TENM2: variants seen among roughly 807,000 people sequenced by gnomAD.
The protein encoded by TENM2 is teneurin transmembrane protein 2.
TENM2 carries 52 observed loss-of-function variants against 245.2 expected under a neutral mutation model. That is an observed-to-expected ratio of 0.21 (90% confidence interval 0.17 to 0.27). The LOEUF (loss-of-function observed/expected upper bound fraction) is 0.27. Ranked by LOEUF, TENM2 falls within the 10% of genes least tolerant of loss-of-function variation. TENM2 has a pLI of 1.00. For missense variants in TENM2, 3,046 were observed against 3,666.8 expected (o/e 0.83, Z 4.37); for synonymous variants, 1,363 against 1,438.9 (o/e 0.95, Z 1.19).
chr5:167,673,444 C>G (rs1480783415), intron 2 of TENM2, among the ~76,000 whole-genome samples: 1 of 152,072 alleles, frequency 6.6e-6, no homozygotes, highest in Non-Finnish European at 1.5e-5. Context: ...TGGGGAAGTT[C>G]TCTGAAACAT....
the TENM2 span, among the ~76,000 whole-genome samples, chr5:167,118,931 A>G: frequency 6.6e-6 from 1 of 152,232 alleles, no homozygotes; most frequent in East Asian, 1.9e-4. Flanking sequence ...AAAGCTGACA[A>G]AGACTTGGCT....
At chr5:167,558,241 G>A (rs771148312) in intron 2 of TENM2, among the ~76,000 whole-genome samples, 15 of 152,164 alleles carry the variant, frequency 9.9e-5, no homozygotes, top group Non-Finnish European at 1.9e-4. Flanking sequence ...GTCCCAGGGT[G>A]GTGGTAGACA....
At chr5:167,891,916 C>A (rs1268105127) in intron 3 of TENM2, among the ~76,000 whole-genome samples, 1 of 152,156 alleles carries the variant, frequency 6.6e-6, no homozygotes, top group Non-Finnish European at 1.5e-5. Flanking sequence ...TCCTCTTTTC[C>A]AGAATAACCC....
chr5:167,045,949 A>T, the TENM2 span, among the ~76,000 whole-genome samples: 1 of 152,200 alleles, frequency 6.6e-6, no homozygotes, highest in Non-Finnish European at 1.5e-5. Flanking sequence ...AGAGTAAAAC[A>T]TACTCATTTT....
chr5:167,360,818 G>A (rs1759669057), intron 1 of TENM2, among the ~76,000 whole-genome samples: 1 of 152,150 alleles, frequency 6.6e-6, no homozygotes, highest in Admixed American at 6.5e-5. Context: ...GATTGGGAGT[G>A]GAAGTTTAAT....
At chr5:167,467,765 C>A (rs536984476) in intron 2 of TENM2, among the ~76,000 whole-genome samples, 1 of 152,116 alleles carries the variant, frequency 6.6e-6, no homozygotes, top group Non-Finnish European at 1.5e-5. Context: ...ACTAGCCCTG[C>A]TTGATTTATG....
At chr5:167,441,545 C>G (rs1161244989) in intron 2 of TENM2, among the ~76,000 whole-genome samples, 2 of 151,914 alleles carry the variant, frequency 1.3e-5, no homozygotes, top group African/African-American at 2.4e-5. Context: ...TCAGCTGAAA[C>G]CCAGAAATCC....
intron 19 of TENM2, among the ~76,000 whole-genome samples, chr5:168,205,970 TAGC>T (rs1762318708): frequency 6.6e-6 from 1 of 152,156 alleles, no homozygotes; most frequent in South Asian, 2.1e-4. Context: ...ACCAGAATGG[TAGC>T]AGAAGAAAGA....
intron 4 of TENM2, among the ~76,000 whole-genome samples, chr5:167,964,813 G>A (rs1332693950): frequency 6.6e-6 from 1 of 152,302 alleles, no homozygotes; most frequent in South Asian, 2.1e-4. Flanking sequence ...TAGAAAGGTA[G>A]GCAAGGGCAA....
chr5:168,031,049 A>G (rs1787099315), intron 5 of TENM2, among the ~76,000 whole-genome samples: 1 of 152,172 alleles, frequency 6.6e-6, no homozygotes, highest in Non-Finnish European at 1.5e-5. Flanking sequence ...CCCCCCGACC[A>G]CTGCTTAGTG....
chr5:168,178,090 G>A (rs554914652), intron 13 of TENM2, among the ~76,000 whole-genome samples: 1 of 152,060 alleles, frequency 6.6e-6, no homozygotes, highest in Non-Finnish European at 1.5e-5. Context: ...CTCCACTCTG[G>A]GGCCAAGCCT....
At chr5:167,241,539 G>A in the TENM2 span, among the ~76,000 whole-genome samples, 2 of 152,136 alleles carry the variant, frequency 1.3e-5, no homozygotes, top group Non-Finnish European at 1.5e-5. Flanking sequence ...TGAGAATCAC[G>A]TACGATATAA....
chr5:167,975,134 A>G (rs1675856109), intron 4 of TENM2, among the ~76,000 whole-genome samples: 2 of 152,224 alleles, frequency 1.3e-5, no homozygotes, highest in African/African-American at 2.4e-5. Flanking sequence ...GCAAATTTCA[A>G]TTTACCATGC....
intron 2 of TENM2, among the ~76,000 whole-genome samples, chr5:167,758,344 A>G (rs1032967832): frequency 3.3e-5 from 5 of 152,066 alleles, no homozygotes; most frequent in Non-Finnish European, 7.4e-5. Flanking sequence ...TTGGAAGCTG[A>G]CCCTATAGAC....
At chr5:167,436,786 G>T (rs1764580672) in intron 2 of TENM2, among the ~76,000 whole-genome samples, 1 of 152,168 alleles carries the variant, frequency 6.6e-6, no homozygotes, top group East Asian at 1.9e-4. Flanking sequence ...TACAGCTCGG[G>T]CTCTTCCTTC....
intron 2 of TENM2, among the ~76,000 whole-genome samples, chr5:167,460,712 C>A (rs1766244546): frequency 6.6e-6 from 1 of 151,748 alleles, no homozygotes; most frequent in Admixed American, 6.6e-5. Flanking sequence ...AAAACACCAA[C>A]AAAGACAATG....
At chr5:167,365,842 A>T (rs1760016375) in intron 1 of TENM2, among the ~76,000 whole-genome samples, 1 of 152,052 alleles carries the variant, frequency 6.6e-6, no homozygotes, top group African/African-American at 2.4e-5. Flanking sequence ...TTCAATATGT[A>T]TCTTACAATT....
intron 2 of TENM2, among the ~76,000 whole-genome samples, chr5:167,619,255 G>A (rs1340541613): frequency 6.6e-6 from 1 of 152,140 alleles, no homozygotes; most frequent in East Asian, 1.9e-4. Context: ...GAAAAGACAT[G>A]TATAACTGAA....
At chr5:168,088,929 A>C (rs1233452997) in intron 7 of TENM2, among the ~76,000 whole-genome samples, 1 of 152,146 alleles carries the variant, frequency 6.6e-6, no homozygotes, top group Non-Finnish European at 1.5e-5. Flanking sequence ...GATGTCTGTA[A>C]CCCATAAAAA....
Sources: allele counts gnomAD v4.1 joint callset (sites outside exome capture counted in the v4.1 genomes callset), GRCh38; gene constraint gnomAD v4.1.1; transcripts MANE v1.5; gene names NCBI Gene and HGNC (gene_info 2026-07-23, HGNC 2026-07-21).